The following CHRM3 variants were observed in gnomAD, a reference collection of about 807,000 sequenced individuals.
CHRM3 encodes the protein cholinergic receptor muscarinic 3.
A neutral mutation model predicts 41.8 loss-of-function variants in CHRM3; 11 were observed. The observed-to-expected ratio is 0.26, with a 90% CI of 0.17 to 0.44. The LOEUF (loss-of-function observed/expected upper bound fraction) is 0.44. CHRM3 is among the 20% of genes least tolerant of loss of function. CHRM3 has a pLI of 1.00. For synonymous variants in CHRM3, 297 were observed against 301.4 expected (o/e 0.99, Z 0.15); for missense variants, 571 against 745.4 (o/e 0.77, Z 2.72).
intron 2 of CHRM3, among the ~76,000 whole-genome samples, chr1:239,501,649 A>T (rs975017411): frequency 6.6e-6 from 1 of 152,056 alleles, no homozygotes. Context: ...AGGTCAGGAG[A>T]CCAAGACCAT....
chr1:239,571,832 T>G (rs2148539239), intron 3 of CHRM3, among the ~76,000 whole-genome samples: 1 of 152,314 alleles, frequency 6.6e-6, no homozygotes, highest in Admixed American at 6.5e-5. Context: ...CTCATAAATG[T>G]AAATAGATGT....
chr1:239,671,417 T>G (rs1369086582), intron 4 of CHRM3, among the ~76,000 whole-genome samples: 1 of 152,084 alleles, frequency 6.6e-6, no homozygotes, highest in Non-Finnish European at 1.5e-5. Context: ...CTCTACATTT[T>G]GTATTAATTA....
chr1:239,643,145 C>G (rs930247658), intron 4 of CHRM3, among the ~76,000 whole-genome samples: 1 of 152,102 alleles, frequency 6.6e-6, no homozygotes, highest in Admixed American at 6.5e-5. Context: ...CAGAGGAGTA[C>G]CTGGCAGTGT....
intron 5 of CHRM3, among the ~76,000 whole-genome samples, chr1:239,739,839 C>T (rs1450923921): frequency 6.6e-6 from 1 of 152,124 alleles, no homozygotes; most frequent in Non-Finnish European, 1.5e-5. Context: ...TTCTTGCACT[C>T]TGCTGGCTGA....
chr1:239,514,404 G>A (rs2148219465), intron 2 of CHRM3, among the ~76,000 whole-genome samples: 1 of 151,518 alleles, frequency 6.6e-6, no homozygotes, highest in Non-Finnish European at 1.5e-5. Flanking sequence ...AAATGGTATT[G>A]TGTTTTAAAT....
At chr1:239,690,282 G>A (rs2147975622) in intron 5 of CHRM3, among the ~76,000 whole-genome samples, 1 of 152,094 alleles carries the variant, frequency 6.6e-6, no homozygotes, top group Admixed American at 6.5e-5. Flanking sequence ...TGGAGTGACG[G>A]GATCTCGACT....
chr1:239,853,217 C>A (rs894591536), intron 6 of CHRM3, among the ~76,000 whole-genome samples: 9 of 151,672 alleles, frequency 5.9e-5, no homozygotes, highest in Non-Finnish European at 8.8e-5. Flanking sequence ...TTTCAGTATT[C>A]TCCCCATGAC....
intron 5 of CHRM3, among the ~76,000 whole-genome samples, chr1:239,772,716 G>T (rs1380147982): frequency 2.0e-5 from 3 of 151,950 alleles, no homozygotes; most frequent in Admixed American, 2.0e-4. Flanking sequence ...ATGCCTTTCT[G>T]TGACTCCCTC....
intron 6 of CHRM3, among the ~76,000 whole-genome samples, chr1:239,898,651 GTT>G (rs1679217619): frequency 6.6e-6 from 1 of 152,104 alleles, no homozygotes; most frequent in Non-Finnish European, 1.5e-5. Context: ...CTTTTAATTG[GTT>G]CAGCAGGTTT....
At chr1:239,490,155 G>C (rs1408801509) in intron 1 of CHRM3, among the ~76,000 whole-genome samples, 1 of 152,216 alleles carries the variant, frequency 6.6e-6, no homozygotes, top group East Asian at 1.9e-4. Context: ...GCTAAAAGTA[G>C]TATTTCTTTT....
At chr1:239,894,536 G>A (rs375327853) in intron 6 of CHRM3, among the ~76,000 whole-genome samples, 14 of 152,186 alleles carry the variant, frequency 9.2e-5, no homozygotes, top group Admixed American at 6.5e-4. Flanking sequence ...AGGTTCAAGC[G>A]ATTCTCGTGC....
intron 3 of CHRM3, among the ~76,000 whole-genome samples, chr1:239,613,493 A>G (rs1487769029): frequency 2.6e-5 from 4 of 152,242 alleles, no homozygotes; most frequent in Non-Finnish European, 5.9e-5. Context: ...CCCAATCTCA[A>G]GTACCACATA....
chr1:239,390,820 T>C (rs1177685670), intron 1 of CHRM3, among the ~76,000 whole-genome samples: 1 of 152,164 alleles, frequency 6.6e-6, no homozygotes, highest in Non-Finnish European at 1.5e-5. Flanking sequence ...TCTCCATTAG[T>C]GTTGTCTTCA....
chr1:239,654,608 G>C (rs1194416020), intron 4 of CHRM3, among the ~76,000 whole-genome samples: 2 of 152,012 alleles, frequency 1.3e-5, no homozygotes, highest in East Asian at 1.9e-4. Context: ...CATGTGGGCC[G>C]GGAAAGTCTC....
rs1192170841 is a variant in CHRM3, at chr1:239,748,910, C to T, written c.-147+70622C>T. Among the ~76,000 whole-genome samples the T allele has an allele frequency of 6.6e-6, 1 of 152,084 alleles. No homozygotes were observed. The highest frequency in any genetic ancestry group is 6.6e-5 in the Admixed American group (1 of 15,264). On this transcript the variant is annotated intron_variant, in intron 5 of 6. Coordinates refer to ENST00000676153, the MANE Select transcript of CHRM3 (RefSeq NM_001375978.1). The surrounding 1 kb of genome is among the most constrained non-coding windows in gnomAD (Gnocchi z 4.3). The stretch of plus-strand genomic sequence containing the variant: ...AAGGAAAATGATTTCTGGGGCACAC[C>T]AGCCCTGTACTGGCAGTTCTTTGCA...
intron 5 of CHRM3, among the ~76,000 whole-genome samples, chr1:239,701,282 G>T (rs1414705747): frequency 1.3e-5 from 2 of 152,138 alleles, no homozygotes; most frequent in Admixed American, 1.3e-4. Flanking sequence ...GTTCTTCACG[G>T]GATTGTGTGG....
intron 5 of CHRM3, among the ~76,000 whole-genome samples, chr1:239,809,968 G>A (rs113124321): frequency 5.9e-5 from 9 of 152,288 alleles, no homozygotes; most frequent in African/African-American, 2.2e-4. Context: ...CTAAGGAGGA[G>A]GTGTTATAGC....
chr1:239,668,712 C>A (rs1352436619), intron 4 of CHRM3, among the ~76,000 whole-genome samples: 1 of 152,158 alleles, frequency 6.6e-6, no homozygotes, highest in Non-Finnish European at 1.5e-5. Flanking sequence ...CTCAACTCAT[C>A]CATACTGTGT....
chr1:239,594,530 G>T (rs1308854874), intron 3 of CHRM3, among the ~76,000 whole-genome samples: 1 of 152,138 alleles, frequency 6.6e-6, no homozygotes, highest in Non-Finnish European at 1.5e-5. Context: ...TGGTGAAAAG[G>T]CTCATTTTAA....
Sources: allele counts gnomAD v4.1 joint callset (sites outside exome capture counted in the v4.1 genomes callset), GRCh38; gene constraint gnomAD v4.1.1; non-coding constraint Gnocchi (gnomAD v3.1); transcripts MANE v1.5; gene names NCBI Gene and HGNC (gene_info 2026-07-23, HGNC 2026-07-21).